The following RGS5 variants were observed in gnomAD, a reference collection of about 807,000 sequenced individuals.
The protein encoded by RGS5 is regulator of G protein signaling 5, also known as regulator of G-protein signalling 5.
Under a neutral mutation model 18.9 loss-of-function variants are expected in RGS5, and 20 were observed. The observed-to-expected ratio is 1.06, with a 90% CI of 0.74 to 1.54. RGS5 has a LOEUF of 1.54. RGS5 is among the 40% of genes most tolerant of loss of function. RGS5 has a pLI of 0.00. For missense variants in RGS5, 201 were observed against 211.8 expected (o/e 0.95, Z 0.32); for synonymous variants, 57 against 76.2 (o/e 0.75, Z 1.31).
intron 1 of RGS5, among the ~76,000 whole-genome samples, chr1:163,178,831 C>G (rs1658678213): frequency 6.6e-6 from 1 of 152,110 alleles, no homozygotes; most frequent in Admixed American, 6.5e-5. Flanking sequence ...GTTTCCATTA[C>G]AGAAGAAAAG....
intron 1 of RGS5, among the ~76,000 whole-genome samples, chr1:163,183,595 C>T (rs570198995): frequency 7.9e-5 from 12 of 152,152 alleles, no homozygotes; most frequent in East Asian, 3.9e-4. Flanking sequence ...TTAACTTATT[C>T]GCTGGTAAAA....
intron 2 of RGS5, among the ~76,000 whole-genome samples, chr1:163,250,424 G>A (rs10494392): frequency 6.6e-6 from 1 of 152,058 alleles, no homozygotes; most frequent in Non-Finnish European, 1.5e-5. Flanking sequence ...ATTATGAGAC[G>A]TGAAGGTGAT....
At chr1:163,321,437 T>G (rs919407181) in intron 1 of RGS5, 1 of 152,228 alleles carries the variant, frequency 6.6e-6, no homozygotes, top group Non-Finnish European at 1.5e-5. Context: ...TGTGAACTAC[T>G]GTGCGCAGAG....
At chr1:163,277,977 G>T (rs1325299302) in intron 2 of RGS5, among the ~76,000 whole-genome samples, 1 of 150,766 alleles carries the variant, frequency 6.6e-6, no homozygotes, top group Admixed American at 6.6e-5. Context: ...CAGACAAAAA[G>T]AAAAAATAAA....
chr1:163,192,315 G>GTTGAA (rs1659392555), intron 1 of RGS5, among the ~76,000 whole-genome samples: 1 of 152,124 alleles, frequency 6.6e-6, no homozygotes, highest in Non-Finnish European at 1.5e-5. Flanking sequence ...TAGTGTCAGA[G>GTTGAA]TTGAATTGAA....
chr1:163,264,244 C>T (rs780355607), intron 2 of RGS5, among the ~76,000 whole-genome samples: 2 of 152,088 alleles, frequency 1.3e-5, no homozygotes, highest in Non-Finnish European at 2.9e-5. Context: ...CTGGAAAGAA[C>T]ATGAGATCTG....
chr1:163,153,328 A>G (rs1305199441), intron 3 of RGS5, among the ~76,000 whole-genome samples: 3 of 152,198 alleles, frequency 2.0e-5, no homozygotes, highest in Admixed American at 6.6e-5. Context: ...AAGAAACAGA[A>G]GAAACATTTA....
intron 1 of RGS5, among the ~76,000 whole-genome samples, chr1:163,195,149 C>A (rs1014179298): frequency 6.6e-6 from 1 of 152,170 alleles, no homozygotes; most frequent in Non-Finnish European, 1.5e-5. Flanking sequence ...TTTATAGCAG[C>A]ACCATTTGCA....
intron 1 of RGS5, among the ~76,000 whole-genome samples, chr1:163,174,217 C>G (rs575179874): frequency 4.6e-5 from 7 of 152,182 alleles, no homozygotes; most frequent in Non-Finnish European, 1.0e-4. Flanking sequence ...CCATTCATGG[C>G]ATTTTTCAAT....
rs560288736 is a variant in RGS5, at chr1:163,180,942, C to G, written c.45-12574G>C. Among the ~76,000 whole-genome samples the G allele has an allele frequency of 4.6e-5, 7 of 152,200 alleles. No individual in the cohort carries two copies. In the East Asian group the frequency reaches 7.8e-4, roughly 17 times the overall value. Reference sequence around the variant, plus strand: ...ATATCCCGACCTCGTGATCCTCCCGCCTCCGCCTCCCAAAGTGCTGGTATT... The same window carrying G: ...ATATCCCGACCTCGTGATCCTCCCGGCTCCGCCTCCCAAAGTGCTGGTATT... On this transcript the variant is annotated intron_variant, in intron 1 of 4. Coordinates refer to ENST00000313961, the MANE Select transcript of RGS5 (RefSeq NM_003617.4).
chr1:163,284,944 T>C (rs148558348), intron 2 of RGS5, among the ~76,000 whole-genome samples: 10,220 of 152,158 alleles, frequency 0.067, 357 homozygotes, highest in South Asian at 0.094. Flanking sequence ...AGAGGTTTAA[T>C]GGACTCACAG....
intron 1 of RGS5, among the ~76,000 whole-genome samples, chr1:163,307,545 A>G (rs1050052790): frequency 6.6e-6 from 1 of 152,160 alleles, no homozygotes; most frequent in Admixed American, 6.5e-5. Flanking sequence ...GATGGGAGAC[A>G]GAGAAGCGTG....
chr1:163,268,718 GT>G (rs1648636453), intron 2 of RGS5, among the ~76,000 whole-genome samples: 1 of 152,022 alleles, frequency 6.6e-6, no homozygotes, highest in Non-Finnish European at 1.5e-5. Flanking sequence ...ATCTTAAAGT[GT>G]TTCCTTGCCC....
At chr1:163,256,710 A>C (rs1648280712) in intron 2 of RGS5, among the ~76,000 whole-genome samples, 1 of 152,188 alleles carries the variant, frequency 6.6e-6, no homozygotes, top group South Asian at 2.1e-4. Context: ...ATAGATACAG[A>C]GAGAAGAGAA....
rs367682334 is a variant in RGS5 at position 163,259,137 on chromosome 1, TA to T, written c.-281+47095del. Among the ~76,000 whole-genome samples, 528 of 151,130 alleles carry T rather than the reference TA, an allele frequency of 3.5e-3. 2 individuals are homozygous for T. Among genetic ancestry groups the T allele is most frequent in the Middle Eastern group, 0.024 (7 of 294 alleles). ...TTACATCAAGCTTGTAGTTAAAAGA[TA>T]AAATAAGACACAGTCTTAGTATTTT... is the stretch of plus-strand genomic sequence containing the variant. On this transcript the variant is annotated intron_variant, in intron 2 of 5. Coordinates refer to the RGS5 transcript ENST00000618415.
At chr1:163,301,450 AG>A (rs1314974704) in intron 2 of RGS5, among the ~76,000 whole-genome samples, 1 of 152,048 alleles carries the variant, frequency 6.6e-6, no homozygotes, top group Admixed American at 6.5e-5. Context: ...ATCCCACTTC[AG>A]CTTCCTGAGT....
intron 2 of RGS5, among the ~76,000 whole-genome samples, chr1:163,267,066 C>T (rs1648589564): frequency 6.6e-6 from 1 of 151,972 alleles, no homozygotes; most frequent in Admixed American, 6.6e-5. Flanking sequence ...TGTGTCCCAC[C>T]CAAATTCATA....
chr1:163,259,592 G>C (rs1557922741), intron 2 of RGS5, among the ~76,000 whole-genome samples: 1 of 152,188 alleles, frequency 6.6e-6, no homozygotes, highest in Admixed American at 6.5e-5. Context: ...CATCAGTACA[G>C]CTGGAGACAG....
At chr1:163,189,209 C>T (rs1306461149) in intron 1 of RGS5, among the ~76,000 whole-genome samples, 2 of 152,140 alleles carry the variant, frequency 1.3e-5, no homozygotes, top group East Asian at 1.9e-4. Context: ...ATAATCTTAC[C>T]GTGGCAAAAT....
Sources: allele counts gnomAD v4.1 joint callset (sites outside exome capture counted in the v4.1 genomes callset), GRCh38; gene constraint gnomAD v4.1.1; transcripts MANE v1.5; gene names NCBI Gene and HGNC (gene_info 2026-07-23, HGNC 2026-07-21).